The following NBPF12 variants were observed in gnomAD, a reference collection of about 807,000 sequenced individuals.
The protein encoded by NBPF12 is NBPF family member NBPF12.
Under a neutral mutation model 146.4 loss-of-function variants are expected in NBPF12, and 115 were observed. The observed-to-expected ratio is 0.79, with a 90% CI of 0.68 to 0.92. The LOEUF (loss-of-function observed/expected upper bound fraction) is 0.92, where lower values mean the gene tolerates loss of function less well. NBPF12 is among the 40% of genes least tolerant of loss of function. The pLI is 0.00. For synonymous variants in NBPF12, 385 were observed against 508.9 expected, an observed-to-expected ratio of 0.76 and a Z score of 3.28; for missense variants, 1,205 against 1,326.8, an observed-to-expected ratio of 0.91 and a Z score of 1.43.
upstream of NBPF12, among the ~76,000 whole-genome samples, chr1:146,946,715 A>T: frequency 6.7e-6 from 1 of 148,312 alleles, no homozygotes; most frequent in African/African-American, 2.5e-5. Flanking sequence ...ATTTTTTTTC[A>T]TTAGTAGATT....
At chr1:146,949,743 T>C (rs1440680288) in intron 1 of NBPF12, among the ~76,000 whole-genome samples, 1 of 150,674 alleles carries the variant, frequency 6.6e-6, no homozygotes, top group Non-Finnish European at 1.5e-5. Context: ...GTTCCTATTC[T>C]TGTTTGTGGG....
chr1:146,969,465 G>T (rs1234941500), exon 11 of NBPF12: 5 of 1,375,694 alleles, frequency 3.6e-6, no homozygotes, highest in Non-Finnish European at 5.2e-6. Flanking sequence ...GATGCCTCCC[G>T]CTCATTGAAT....
chr1:146,960,182 A>G lies in NBPF12; in HGVS notation c.39A>G (p.Ala13=). The stretch of plus-strand genomic sequence containing the variant: ...CCGGCCCTTGGTCCAGCGAGAAGGC[A>G]GAGATGAACATTCTAGAAATCAACG... The change falls in exon 4 of 34, where the codon GCA becomes GCG. Residue 13 remains alanine (A), a synonymous_variant. Transcript: ENST00000617844. The G allele has an allele frequency of 8.3e-6, 6 of 719,060 alleles. No homozygotes were observed. In the South Asian group the frequency reaches 9.2e-5, roughly 11 times the overall value. 44.5% of individuals were successfully genotyped at this position (719,060 alleles called of 1,614,324 possible). A position where few individuals can be genotyped will look rare whatever the true frequency, so the allele number is the denominator to read the frequency against.
At chr1:146,955,824 G>A (rs1233768424) in intron 2 of NBPF12, among the ~76,000 whole-genome samples, 2 of 151,398 alleles carry the variant, frequency 1.3e-5, no homozygotes, top group African/African-American at 4.9e-5. Context: ...GGAGGCCTGG[G>A]GAGTTTCTTC....
At chr1:146,964,640 G>A (rs1162632760) in intron 7 of NBPF12, among the ~76,000 whole-genome samples, 1 of 151,962 alleles carries the variant, frequency 6.6e-6, no homozygotes, top group African/African-American at 2.4e-5. Flanking sequence ...AGGGATAGCT[G>A]AGTCTTCATC....
At chr1:146,966,650 T>C in exon 9 of NBPF12, 2 of 1,464,648 alleles carry the variant, frequency 1.4e-6, no homozygotes, top group Non-Finnish European at 1.9e-6. Flanking sequence ...GCCGGCTTCC[T>C]GGCCAAGCAG....
chr1:146,955,093 G>C (rs1296574463), intron 2 of NBPF12, among the ~76,000 whole-genome samples: 14 of 98,966 alleles, frequency 1.4e-4, no homozygotes, highest in African/African-American at 4.8e-4. Flanking sequence ...GACTTGAATA[G>C]ATACTTCAGA....
At chr1:146,980,382 G>A (rs1209579049) in intron 19 of NBPF12, among the ~76,000 whole-genome samples, 159 of 152,118 alleles carry the variant, frequency 1.0e-3, no homozygotes, top group African/African-American at 3.4e-3. Flanking sequence ...TATTTCACCC[G>A]TTAGTTGATG....
intron 2 of NBPF12, among the ~76,000 whole-genome samples, chr1:146,953,104 C>T (rs1655399140): frequency 7.0e-6 from 1 of 142,992 alleles, no homozygotes; most frequent in South Asian, 2.2e-4. Flanking sequence ...ATGGATTTGC[C>T]CTCCCTGCTG....
At position 146,965,791 on chromosome 1, in the gene NBPF12, C is replaced by CAAAAAAAAAAAAAAAAAAA. The variant is rs1162462110; in HGVS notation, c.779-662_779-644dup. ...TGGGAGACAGAGCGAGACTGCATCT[C>CAAAAAAAAAAAAAAAAAAA]AAAAAAAAAAAAAAAAAAAAAAAAA... On this transcript the variant is annotated intron_variant, in intron 8 of 33. Transcript: ENST00000617844. Among the ~76,000 whole-genome samples, 2 of 30,054 alleles carry CAAAAAAAAAAAAAAAAAAA rather than the reference C, an allele frequency of 6.7e-5. 1 individual carries two copies. The highest frequency in any genetic ancestry group is 1.1e-4 in the Non-Finnish European group (2 of 17,958). The allele number at this position is 30,054 out of a possible 152,430, so 19.7% of individuals were successfully genotyped here.
intron 11 of NBPF12, among the ~76,000 whole-genome samples, chr1:146,969,856 G>A (rs1489871664): frequency 2.0e-5 from 3 of 151,030 alleles, no homozygotes; most frequent in Admixed American, 1.3e-4. Context: ...AGTTTTAAAG[G>A]ACAGGAAGGA....
At chr1:146,970,860 A>C in intron 12 of NBPF12, 141 bp downstream of exon 15, 2 of 1,000,270 alleles carry the variant, frequency 2.0e-6, no homozygotes, top group Non-Finnish European at 1.6e-6. Context: ...CAGCTTAGAC[A>C]CAGGGTGTGG....
chr1:146,940,200 A>C (rs1341584511), intron 1 of NBPF12, among the ~76,000 whole-genome samples: 57 of 151,914 alleles, frequency 3.8e-4, no homozygotes, highest in Non-Finnish European at 4.4e-4. Flanking sequence ...GTGAACCAAA[A>C]GCTCTTTTTT....
At chr1:146,953,819 T>C (rs1190461466) in intron 2 of NBPF12, among the ~76,000 whole-genome samples, 45 of 151,264 alleles carry the variant, frequency 3.0e-4, no homozygotes, top group Non-Finnish European at 4.4e-4. Flanking sequence ...AGCATTATAC[T>C]AGAGCTCTAA....
intron 10 of NBPF12, 108 bp downstream of exon 13, chr1:146,968,658 G>C (rs1325482732): frequency 1.0e-6 from 1 of 990,026 alleles, no homozygotes; most frequent in Non-Finnish European, 1.6e-6. Flanking sequence ...GGAAGGGCAG[G>C]AATTGCCATG....
At chr1:146,939,815 C>A (rs1654715386) in intron 1 of NBPF12, among the ~76,000 whole-genome samples, 1 of 151,882 alleles carries the variant, frequency 6.6e-6, no homozygotes, top group East Asian at 1.9e-4. Context: ...AACCCCATCT[C>A]TACTGAAAAT....
At chr1:146,961,862 C>G (rs1442181090) in intron 4 of NBPF12, among the ~76,000 whole-genome samples, 1 of 152,030 alleles carries the variant, frequency 6.6e-6, no homozygotes, top group East Asian at 1.9e-4. Context: ...GAAAGTGGCC[C>G]CGCATTCAGA....
intron 8 of NBPF12, 23 bp from the exon 12 acceptor site, chr1:146,966,441 G>A (rs1403624023): frequency 6.8e-6 from 9 of 1,328,414 alleles, no homozygotes; most frequent in Non-Finnish European, 8.7e-6. Flanking sequence ...AACCCATCAT[G>A]TGTTTGCCTT....
chr1:146,969,740 G>T (rs1231249967), intron 11 of NBPF12, 144 bp downstream of exon 14: 2 of 1,500,268 alleles, frequency 1.3e-6, no homozygotes, highest in South Asian at 1.2e-5. Flanking sequence ...GACTTCCTGG[G>T]TAAGAACGGA....
Sources: allele counts gnomAD v4.1 joint callset (sites outside exome capture counted in the v4.1 genomes callset), GRCh38; gene constraint gnomAD v4.1.1; transcripts MANE v1.5; gene names NCBI Gene and HGNC (gene_info 2026-07-23, HGNC 2026-07-21).